PTPRT: variants seen among roughly 807,000 people sequenced by gnomAD.
PTPRT encodes receptor-type tyrosine-protein phosphatase T.
In PTPRT, 56 loss-of-function variants were observed where a neutral mutation model predicts 176.8. That is an observed-to-expected ratio of 0.32 (90% CI 0.26 to 0.40). The LOEUF (loss-of-function observed/expected upper bound fraction) is 0.40, where lower values mean the gene tolerates loss of function less well. Among genes scored for constraint, PTPRT ranks in the 10% least tolerant of loss-of-function variants. The pLI, the probability that PTPRT is intolerant of heterozygous loss-of-function variation, is 1.00. For missense variants in PTPRT, 1,540 were observed against 1,908.2 expected (o/e 0.81, Z 3.60); for synonymous variants, 783 against 739.0 (o/e 1.06, Z -0.96).
intron 7 of PTPRT, among the ~76,000 whole-genome samples, chr20:42,515,539 G>A (rs2072045894): frequency 6.6e-6 from 1 of 152,124 alleles, no homozygotes; most frequent in African/African-American, 2.4e-5. Context: ...GTTATATTTT[G>A]CTATTATACT....
intron 15 of PTPRT, among the ~76,000 whole-genome samples, chr20:42,209,612 C>T (rs2055567915): frequency 1.3e-5 from 2 of 152,008 alleles, no homozygotes; most frequent in South Asian, 4.1e-4. Flanking sequence ...AGTTGAATCT[C>T]TGAATAGACC....
chr20:42,954,876 AGAGAAGGGAAAG>A (rs1233288164), intron 1 of PTPRT, among the ~76,000 whole-genome samples: 1 of 151,352 alleles, frequency 6.6e-6, no homozygotes, highest in African/African-American at 2.4e-5. Context: ...AGAGGAGAGG[AGAGAAGGGAAAG>A]GAGGAGGGAA....
intron 1 of PTPRT, among the ~76,000 whole-genome samples, chr20:43,083,347 T>TATATATATACATAC (rs1555828981): frequency 2.0e-5 from 2 of 97,786 alleles, no homozygotes; most frequent in African/African-American, 7.1e-5. Context: ...TATATATATA[T>TATATATATACATAC]ATATATATAT....
At chr20:42,759,737 A>T (rs1457590172) in intron 5 of PTPRT, among the ~76,000 whole-genome samples, 2 of 152,140 alleles carry the variant, frequency 1.3e-5, no homozygotes, top group Non-Finnish European at 2.9e-5. Flanking sequence ...CTTCCTCTGA[A>T]CTTTTAGGGC....
intron 3 of PTPRT, among the ~76,000 whole-genome samples, chr20:42,780,861 T>A (rs1450437114): frequency 2.0e-5 from 3 of 152,176 alleles, no homozygotes; most frequent in Non-Finnish European, 2.9e-5. Flanking sequence ...CCTAAACTGC[T>A]ATTTCCATAA....
chr20:42,481,845 T>C (rs2071391975), intron 7 of PTPRT, among the ~76,000 whole-genome samples: 1 of 151,986 alleles, frequency 6.6e-6, no homozygotes. Flanking sequence ...GTTATTTTGA[T>C]ATATGATATC....
intron 2 of PTPRT, among the ~76,000 whole-genome samples, chr20:42,848,906 GT>G (rs200765977): frequency 6.6e-6 from 1 of 152,072 alleles, no homozygotes; most frequent in South Asian, 2.1e-4. Flanking sequence ...GTCTAGAAGG[GT>G]TTTTTCCGAT....
the PTPRT span, among the ~76,000 whole-genome samples, chr20:42,043,539 T>C: frequency 6.6e-6 from 1 of 152,188 alleles, no homozygotes; most frequent in African/African-American, 2.4e-5. Flanking sequence ...TGATGACTCA[T>C]GAGGTCACAT....
At chr20:42,275,963 A>G (rs2057021923) in intron 13 of PTPRT, among the ~76,000 whole-genome samples, 1 of 152,134 alleles carries the variant, frequency 6.6e-6, no homozygotes, top group African/African-American at 2.4e-5. Flanking sequence ...TTCACCTCCA[A>G]AAGTTTGACA....
At chr20:42,895,633 T>C (rs149711295) in intron 1 of PTPRT, among the ~76,000 whole-genome samples, 18 of 152,324 alleles carry the variant, frequency 1.2e-4, no homozygotes, top group African/African-American at 4.3e-4. Flanking sequence ...ATGTTATTGT[T>C]GTACAGAAAC....
chr20:42,777,265 A>G (rs1221731790), intron 4 of PTPRT, among the ~76,000 whole-genome samples: 1 of 152,146 alleles, frequency 6.6e-6, no homozygotes, highest in Non-Finnish European at 1.5e-5. Context: ...TTCCTGCCCA[A>G]CATTTGCCCT....
intron 7 of PTPRT, among the ~76,000 whole-genome samples, chr20:42,489,176 G>A (rs1000372796): frequency 1.3e-5 from 2 of 151,980 alleles, no homozygotes; most frequent in Non-Finnish European, 2.9e-5. Flanking sequence ...ATGTATACAT[G>A]TTGTTATTTT....
At chr20:42,392,178 G>A (rs16986833) in intron 9 of PTPRT, among the ~76,000 whole-genome samples, 2 of 152,048 alleles carry the variant, frequency 1.3e-5, no homozygotes, top group Admixed American at 1.3e-4. Context: ...AGGAAAAAAT[G>A]TTACTTAAAC....
chr20:42,542,562 C>A (rs772661364), intron 7 of PTPRT, among the ~76,000 whole-genome samples: 19 of 152,094 alleles, frequency 1.2e-4, no homozygotes, highest in Non-Finnish European at 2.5e-4. Flanking sequence ...TTATGTAATT[C>A]TGTAAGAGCT....
intron 16 of PTPRT, among the ~76,000 whole-genome samples, chr20:42,189,224 C>T (rs1404228544): frequency 6.6e-6 from 1 of 152,168 alleles, no homozygotes; most frequent in Non-Finnish European, 1.5e-5. Context: ...AGCTTTTGCC[C>T]CTTCCACCTG....
intron 7 of PTPRT, among the ~76,000 whole-genome samples, chr20:42,486,768 T>A (rs1256598760): frequency 1.3e-5 from 2 of 152,114 alleles, no homozygotes; most frequent in Non-Finnish European, 2.9e-5. Flanking sequence ...CAAACCAGGT[T>A]GAAGGAGCGG....
At chr20:43,176,636 C>T (rs982526010) in intron 1 of PTPRT, among the ~76,000 whole-genome samples, 2 of 152,130 alleles carry the variant, frequency 1.3e-5, no homozygotes, top group African/African-American at 4.8e-5. Flanking sequence ...GCTTTCAATG[C>T]TGACATAAAC....
intron 8 of PTPRT, among the ~76,000 whole-genome samples, chr20:42,454,129 T>C (rs982106203): frequency 1.3e-5 from 2 of 152,170 alleles, no homozygotes; most frequent in African/African-American, 4.8e-5. Context: ...TTTTCTATTA[T>C]ATGATTTGCG....
intron 1 of PTPRT, among the ~76,000 whole-genome samples, chr20:42,893,575 A>C (rs1475463260): frequency 6.6e-6 from 1 of 151,942 alleles, no homozygotes; most frequent in Non-Finnish European, 1.5e-5. Context: ...TGTTTATTGC[A>C]GCACTATTCA....
Sources: gnomAD v4.1 joint callset for allele counts (sites outside exome capture counted in the v4.1 genomes callset) on GRCh38, gnomAD v4.1.1 for gene constraint, MANE v1.5 for transcripts, NCBI Gene and HGNC (gene_info 2026-07-23, HGNC 2026-07-21) for gene names.